Variants in NSD2 observed in about 807,000 individuals in gnomAD.
NSD2 encodes the protein nuclear receptor binding SET domain protein 2, also known as histone-lysine N-methyltransferase NSD2.
NSD2 carries 12 observed loss-of-function variants against 139.0 expected under a neutral mutation model. That is an observed-to-expected ratio of 0.09 (90% CI 0.06 to 0.14). The LOEUF is 0.14. Ranked by LOEUF, NSD2 falls within the 10% of genes least tolerant of loss-of-function variation. The probability of loss-of-function intolerance (pLI) is 1.00; values close to 1 mark genes in which losing one functional copy is unlikely to be tolerated. For synonymous variants in NSD2, 669 were observed against 648.7 expected, an observed-to-expected ratio of 1.03 and a Z score of -0.48; for missense variants, 1,155 against 1,745.0, an observed-to-expected ratio of 0.66 and a Z score of 6.02.
At chr4:1,882,544 G>A (rs1268729351) in intron 1 of NSD2, among the ~76,000 whole-genome samples, 1 of 152,222 alleles carries the variant, frequency 6.6e-6, no homozygotes, top group African/African-American at 2.4e-5. Flanking sequence ...GGCGCCTGTA[G>A]TCCCAGCTAC....
intron 18 of NSD2, among the ~76,000 whole-genome samples, chr4:1,962,407 G>A (rs1296421432): frequency 6.6e-6 from 1 of 152,220 alleles, no homozygotes; most frequent in East Asian, 1.9e-4. Context: ...ACAGGAGGCT[G>A]TTCTTCATGC....
chr4:1,923,746 CAG>C (rs974086335), intron 5 of NSD2, among the ~76,000 whole-genome samples: 7 of 152,174 alleles, frequency 4.6e-5, no homozygotes, highest in African/African-American at 1.4e-4. Flanking sequence ...CCCTTGCACG[CAG>C]AGAGACCACA....
In NSD2 at chr4:1,972,383, C is replaced by T. The variant is rs1323097925; in HGVS notation, c.3373-2480C>T. Among the ~76,000 whole-genome samples the T allele has an allele frequency of 3.3e-5, 5 of 152,302 alleles. No individual in the cohort carries two copies. Among genetic ancestry groups the T allele is most frequent in the South Asian group, 4.1e-4 (2 of 4,822 alleles). On this transcript the variant is annotated intron_variant, in intron 18 of 21. Transcript: ENST00000508803. This position sits in a 1 kb window ranked among gnomAD's most constrained non-coding sequence, Gnocchi z 4.0. ...GTAGGTGCGATAAAAATAGCAAAAA[C>T]GTTTAAATATACCTGGACAGGCAAT... is the stretch of plus-strand genomic sequence containing the variant.
intron 1 of NSD2, among the ~76,000 whole-genome samples, chr4:1,885,194 T>C (rs1172230696): frequency 6.6e-6 from 1 of 152,200 alleles, no homozygotes; most frequent in Non-Finnish European, 1.5e-5. Flanking sequence ...GTTTGTCCAC[T>C]ATCTACCTTT....
In NSD2 at chr4:1,956,781, G is replaced by T. The variant is rs1286050714; in HGVS notation, c.2881+593G>T. ...CCAGTAGAGAAAACCCGAGGTGTGT[G>T]CATGTGGCTCGTTCAGGGAGAAGCA... On this transcript the variant is annotated intron_variant, in intron 15 of 21. Transcript: ENST00000508803. The surrounding 1 kb of genome is among the most constrained non-coding windows in gnomAD (Gnocchi z 5.3). 6.6e-6 allele frequency among the ~76,000 whole-genome samples: 1 copy of T among 152,250 alleles called. No individual in the cohort carries two copies. Among genetic ancestry groups the T allele is most frequent in the Non-Finnish European group, 1.5e-5 (1 of 68,046 alleles).
chr4:1,967,744 T>C (rs1457778933), intron 18 of NSD2, among the ~76,000 whole-genome samples: 1 of 152,126 alleles, frequency 6.6e-6, no homozygotes, highest in Non-Finnish European at 1.5e-5. Flanking sequence ...AAGGCTTTCA[T>C]GTGGGTGACA....
At position 1,976,084 on chromosome 4, in the gene NSD2, C is replaced by T. The variant is rs966039585; in HGVS notation, c.3622-391C>T. ...GGTCACTGCCCTCAGGTCACTGCCG[C>T]CCACCTGTGCCCACGTTCCTGTGGA... On this transcript the variant is annotated intron_variant, in intron 20 of 21. Coordinates refer to ENST00000508803, the MANE Select transcript of NSD2 (RefSeq NM_001042424.3). The surrounding 1 kb of genome is among the most constrained non-coding windows in gnomAD (Gnocchi z 5.3). Among the ~76,000 whole-genome samples the T allele has an allele frequency of 3.3e-5, 5 of 152,166 alleles. No individual in the cohort carries two copies. Among genetic ancestry groups the T allele is most frequent in the African/African-American group, 9.7e-5 (4 of 41,430 alleles).
In NSD2 at chr4:1,981,728, G is replaced by A. The variant is rs1727783304; in HGVS notation, c.*2819G>A. On this transcript the variant is annotated 3_prime_UTR_variant, in exon 22 of 22. Transcript: ENST00000508803. ...TCTTGACATCTAAACCCCGGCGTGT[G>A]CAGTGCCCATCTTCCAGGACTACCT... 2.5e-6 allele frequency: 1 copy of A among 396,592 alleles called. No homozygotes were observed. The highest frequency in any genetic ancestry group is 4.4e-5 in the Admixed American group (1 of 22,696). The allele number at this position is 396,592 out of a possible 1,614,324, so 24.6% of individuals were successfully genotyped here. A position where few individuals can be genotyped will look rare whatever the true frequency, so the allele number is the denominator to read the frequency against.
In NSD2 at chr4:1,918,619, A is replaced by G; in HGVS notation, c.1406A>G (p.Asp469Gly). ...QFLVFCQKHR[D>G]EVVAEHPDAS... is the part of the protein sequence containing the mutation. Reference sequence around the variant, plus strand: ...TTGGTCTTCTGTCAAAAACACAGGGATGAGGTCAGTACTAAGTTGTGTTTC... The same window carrying G: ...TTGGTCTTCTGTCAAAAACACAGGGGTGAGGTCAGTACTAAGTTGTGTTTC... The change falls in exon 5 of 22, where the codon GAT becomes GGT. Residue 469 changes from aspartate (D) to glycine (G), a missense_variant. Asp to Gly is a moderately conservative substitution (Grantham distance 94, BLOSUM62 -1). Transcript: ENST00000508803. 1 of 1,613,670 alleles carries G rather than the reference A, an allele frequency of 6.2e-7. No individual in the cohort carries two copies. The highest frequency in any genetic ancestry group is 8.5e-7 in the Non-Finnish European group (1 of 1,180,014).
At position 1,880,900 on chromosome 4, in the gene NSD2, CAG is replaced by C. The variant is rs919917313; in HGVS notation, c.-30+9360_-30+9361del. Among the ~76,000 whole-genome samples, 10 of 152,292 alleles carry C rather than the reference CAG, an allele frequency of 6.6e-5. 1 individual carries two copies. In the South Asian group the frequency reaches 1.0e-3, roughly 16 times the overall value. ...TGAATATCATTTGTGATATTTGAGA[CAG>C]AATTTGGAACACTGATTATATTTAT... On this transcript the variant is annotated intron_variant, in intron 1 of 21. Transcript: ENST00000508803.
intron 15 of NSD2, 81 bp from the exon 16 acceptor site, chr4:1,957,852 G>A (rs757240426): frequency 7.6e-7 from 1 of 1,311,082 alleles, no homozygotes; most frequent in Non-Finnish European, 1.1e-6. Context: ...AAAGTTTAGA[G>A]TGAACTATAA....
intron 2 of NSD2, among the ~76,000 whole-genome samples, chr4:1,903,830 G>A (rs1184211536): frequency 6.6e-6 from 1 of 151,654 alleles, no homozygotes; most frequent in Non-Finnish European, 1.5e-5. Flanking sequence ...CGCCTCCCGG[G>A]TTCACGCCAT....
At position 1,936,737 on chromosome 4, in the gene NSD2, C is replaced by G. The variant is rs532805767; in HGVS notation, c.1674+1475C>G. On this transcript the variant is annotated intron_variant, in intron 7 of 21. Transcript: ENST00000508803. ...TTTGTGATTTTGAGTAAAGCTTCAT[C>G]CTGTTTTTCACTGATCTGAGTTAAA... is the stretch of plus-strand genomic sequence containing the variant. Among the ~76,000 whole-genome samples the G allele has an allele frequency of 3.1e-4, 47 of 151,518 alleles. 3 individuals carry two copies. In the South Asian group the frequency reaches 8.8e-3, roughly 28 times the overall value.
chr4:1,933,194 T>C (rs1166051747), intron 6 of NSD2, among the ~76,000 whole-genome samples: 2 of 152,158 alleles, frequency 1.3e-5, no homozygotes, highest in South Asian at 2.1e-4. Context: ...TTCTTGCGCA[T>C]TGGGCTCAGG....
intron 18 of NSD2, among the ~76,000 whole-genome samples, chr4:1,962,829 C>T (rs1449643929): frequency 6.6e-6 from 1 of 152,158 alleles, no homozygotes; most frequent in Non-Finnish European, 1.5e-5. Context: ...TGCCACCACA[C>T]CTGGCTGATG....
rs1034011394 is a variant in NSD2 at position 1,948,185 on chromosome 4, C to T, written c.1882-2887C>T. ...TTGAAAAGTCAGGAGCTAAGCTGCT[C>T]GGAGCTCAGTGCCGCAGCATGGCTG... On this transcript the variant is annotated intron_variant, in intron 9 of 21. Coordinates refer to ENST00000508803, the MANE Select transcript of NSD2 (RefSeq NM_001042424.3). The surrounding 1 kb of genome is among the most constrained non-coding windows in gnomAD (Gnocchi z 4.5). 3.2e-5 allele frequency: 34 copies of T among 1,063,630 alleles called. No homozygotes were observed. Among genetic ancestry groups the T allele is most frequent in the Admixed American group, 5.4e-5 (1 of 18,658 alleles). The allele number at this position is 1,063,630 out of a possible 1,614,324, so 65.9% of individuals were successfully genotyped here. A position where few individuals can be genotyped will look rare whatever the true frequency, so the allele number is the denominator to read the frequency against.
chr4:1,942,712 G>A lies in NSD2; in HGVS notation c.1881+2934G>A, dbSNP rs1474407869. 12 of 1,099,640 alleles carry A rather than the reference G, an allele frequency of 1.1e-5. No homozygotes were observed. In the South Asian group the frequency reaches 2.7e-4, roughly 25 times the overall value. The allele number at this position is 1,099,640 out of a possible 1,614,324, so 68.1% of individuals were successfully genotyped here. On this transcript the variant is annotated intron_variant, in intron 9 of 21. Coordinates refer to ENST00000508803, the MANE Select transcript of NSD2 (RefSeq NM_001042424.3). The surrounding 1 kb of genome is among the most constrained non-coding windows in gnomAD (Gnocchi z 4.0). ...CCAGAGCTGCAGCAGGGCTTTGCAC[G>A]GAAGGGGTGGCCCTGTTAGAGTTGC...
chr4:1,943,297 A>G, intron 9 of NSD2: 5 of 1,043,552 alleles, frequency 4.8e-6, no homozygotes, highest in Non-Finnish European at 5.8e-6. Flanking sequence ...TTTATCTTTA[A>G]TGAACGTTTC....
chr4:1,941,118 T>C, intron 9 of NSD2: 1 of 1,054,534 alleles, frequency 9.5e-7, no homozygotes, highest in Non-Finnish European at 1.1e-6. Flanking sequence ...AGGCAAATTT[T>C]ATACAAATTA....
Sources: gnomAD v4.1 joint callset for allele counts (sites outside exome capture counted in the v4.1 genomes callset) on GRCh38, gnomAD v4.1.1 for gene constraint, Gnocchi (gnomAD v3.1) non-coding constraint, MANE v1.5 for transcripts, NCBI Gene and HGNC (gene_info 2026-07-23, HGNC 2026-07-21) for gene names.